The following OSBPL1A variants were observed in gnomAD, a reference collection of about 807,000 sequenced individuals.
OSBPL1A encodes the protein oxysterol binding protein like 1A, also known as oxysterol-binding protein-related protein 1.
In OSBPL1A, 80 loss-of-function variants were observed where a neutral mutation model predicts 137.1. The observed-to-expected ratio is 0.58, with a 90% CI of 0.49 to 0.70. The LOEUF (loss-of-function observed/expected upper bound fraction) is 0.70. Ranked by LOEUF, OSBPL1A falls within the 30% of genes least tolerant of loss-of-function variation. The probability of loss-of-function intolerance (pLI) is 0.00; values close to 1 mark genes in which losing one functional copy is unlikely to be tolerated. For synonymous variants in OSBPL1A, 365 were observed against 389.7 expected (o/e 0.94, Z 0.75); for missense variants, 970 against 1,129.4 (o/e 0.86, Z 2.02).
At chr18:24,306,089 G>A (rs1213180707) in intron 13 of OSBPL1A, among the ~76,000 whole-genome samples, 4 of 152,072 alleles carry the variant, frequency 2.6e-5, no homozygotes, top group Admixed American at 1.3e-4. Flanking sequence ...ATCTCACTAT[G>A]AGCAATGTTA....
intron 14 of OSBPL1A, among the ~76,000 whole-genome samples, chr18:24,282,110 T>A (rs1435385189): frequency 2.1e-5 from 3 of 145,636 alleles, no homozygotes; most frequent in African/African-American, 5.1e-5. Context: ...ATGGAAAAAC[T>A]GTCTTCCACA....
intron 14 of OSBPL1A, among the ~76,000 whole-genome samples, chr18:24,297,182 T>C (rs944245941): frequency 2.0e-5 from 3 of 152,204 alleles, no homozygotes; most frequent in African/African-American, 7.2e-5. Flanking sequence ...TGCTTATTAC[T>C]GGTCTGCTCA....
At chr18:24,391,388 A>G (rs1044788265) in intron 1 of OSBPL1A, among the ~76,000 whole-genome samples, 4 of 152,112 alleles carry the variant, frequency 2.6e-5, no homozygotes, top group African/African-American at 9.7e-5. Context: ...CTGTACTACA[A>G]TGTGAATGTA....
chr18:24,305,591 CT>C (rs1307884394), intron 13 of OSBPL1A, among the ~76,000 whole-genome samples: 1 of 152,130 alleles, frequency 6.6e-6, no homozygotes, highest in Non-Finnish European at 1.5e-5. Flanking sequence ...AAAGTTAATT[CT>C]TATTAATATT....
chr18:24,391,831 T>G (rs1907381592), intron 1 of OSBPL1A, among the ~76,000 whole-genome samples: 1 of 152,106 alleles, frequency 6.6e-6, no homozygotes, highest in Non-Finnish European at 1.5e-5. Context: ...GCATCTAAAA[T>G]ACGACTGGCA....
At chr18:24,189,682 T>A (rs1468417502) in intron 18 of OSBPL1A, among the ~76,000 whole-genome samples, 1 of 152,226 alleles carries the variant, frequency 6.6e-6, no homozygotes, top group Non-Finnish European at 1.5e-5. Context: ...ATGCCTAGCA[T>A]CTCATCTATT....
intron 4 of OSBPL1A, among the ~76,000 whole-genome samples, chr18:24,344,629 G>A (rs2091316751): frequency 1.3e-5 from 2 of 152,050 alleles, no homozygotes; most frequent in Non-Finnish European, 2.9e-5. Flanking sequence ...TGAAGTTTCA[G>A]ATGCCCAAGG....
intron 4 of OSBPL1A, among the ~76,000 whole-genome samples, chr18:24,362,783 A>G (rs774014053): frequency 6.6e-6 from 1 of 152,252 alleles, no homozygotes; most frequent in South Asian, 2.1e-4. Flanking sequence ...TGTTATCCTG[A>G]AAAAATGAGC....
At chr18:24,169,293 C>T (rs988933473) in intron 24 of OSBPL1A, among the ~76,000 whole-genome samples, 2 of 152,306 alleles carry the variant, frequency 1.3e-5, no homozygotes, top group Admixed American at 1.3e-4. Flanking sequence ...ACACCTTCTG[C>T]TTTTGAGGGA....
At chr18:24,185,076 T>C (rs1316891949) in intron 18 of OSBPL1A, among the ~76,000 whole-genome samples, 5 of 152,250 alleles carry the variant, frequency 3.3e-5, no homozygotes, top group East Asian at 3.9e-4. Flanking sequence ...AAAAAGTCGA[T>C]ATGATTCCAA....
chr18:24,189,415 G>A (rs1341849586), intron 18 of OSBPL1A, among the ~76,000 whole-genome samples: 2 of 152,138 alleles, frequency 1.3e-5, no homozygotes, highest in Admixed American at 6.5e-5. Flanking sequence ...GCTCCCCCGC[G>A]TGTGTGACCT....
chr18:24,276,055 A>T (rs890073838), intron 15 of OSBPL1A, among the ~76,000 whole-genome samples: 2 of 152,088 alleles, frequency 1.3e-5, no homozygotes, highest in Non-Finnish European at 2.9e-5. Context: ...GTTGGGTCAC[A>T]GCTTTTCAGC....
At chr18:24,216,587 A>G (rs1294280411) in intron 17 of OSBPL1A, among the ~76,000 whole-genome samples, 2 of 152,252 alleles carry the variant, frequency 1.3e-5, no homozygotes, top group African/African-American at 4.8e-5. Flanking sequence ...ATTTACCAAT[A>G]GAAAACAATG....
chr18:24,168,513 G>GT (rs2086196600), intron 24 of OSBPL1A, among the ~76,000 whole-genome samples: 1 of 152,210 alleles, frequency 6.6e-6, no homozygotes, highest in Non-Finnish European at 1.5e-5. Context: ...TGCTAGTGCT[G>GT]TATGTATGCA....
chr18:24,322,960 A>C (rs915582840), intron 7 of OSBPL1A, among the ~76,000 whole-genome samples: 10 of 152,236 alleles, frequency 6.6e-5, no homozygotes, highest in Admixed American at 1.3e-4. Flanking sequence ...AAAAGTTTGC[A>C]TGACACAGAT....
chr18:24,276,781 A>G (rs1252150380), intron 15 of OSBPL1A, among the ~76,000 whole-genome samples: 1 of 152,182 alleles, frequency 6.6e-6, no homozygotes, highest in Non-Finnish European at 1.5e-5. Flanking sequence ...ATCTTCCTAC[A>G]ATAATGCCTC....
At chr18:24,259,587 A>C (rs1395217622) in intron 15 of OSBPL1A, among the ~76,000 whole-genome samples, 1 of 152,138 alleles carries the variant, frequency 6.6e-6, no homozygotes, top group Non-Finnish European at 1.5e-5. Context: ...AACAGCCCCT[A>C]ACACCTGAAA....
intron 12 of OSBPL1A, among the ~76,000 whole-genome samples, chr18:24,312,918 G>A (rs1259974658): frequency 6.8e-6 from 1 of 146,042 alleles, no homozygotes; most frequent in Middle Eastern, 4.1e-3. Flanking sequence ...GGCGGATCAT[G>A]TTCGAGACCA....
At chr18:24,244,820 G>C (rs2088833539) in intron 15 of OSBPL1A, among the ~76,000 whole-genome samples, 1 of 152,208 alleles carries the variant, frequency 6.6e-6, no homozygotes, top group African/African-American at 2.4e-5. Context: ...ATTCTAGAAA[G>C]TGCCCCGTTA....
Sources: allele counts gnomAD v4.1 joint callset (sites outside exome capture counted in the v4.1 genomes callset), GRCh38; gene constraint gnomAD v4.1.1; transcripts MANE v1.5; gene names NCBI Gene and HGNC (gene_info 2026-07-23, HGNC 2026-07-21).